BCAS1: variants seen among roughly 807,000 people sequenced by gnomAD.
BCAS1 encodes the protein breast carcinoma-amplified sequence 1.
BCAS1 carries 46 observed loss-of-function variants against 65.4 expected under a neutral mutation model. The observed-to-expected ratio is 0.70, with a 90% CI of 0.55 to 0.90. The LOEUF is 0.90. Among genes scored for constraint, BCAS1 ranks in the 40% least tolerant of loss-of-function variants. The pLI is 0.00. For synonymous variants in BCAS1, 298 were observed against 293.5 expected, an observed-to-expected ratio of 1.02 and a Z score of -0.16; for missense variants, 793 against 771.2, an observed-to-expected ratio of 1.03 and a Z score of -0.33.
Position 54,036,189 on chromosome 20 carries a change from T to G in BCAS1, c.143-7217A>C, listed in dbSNP as rs183521067. Among the ~76,000 whole-genome samples, 7 of 150,620 alleles carry G rather than the reference T, an allele frequency of 4.6e-5. No individual in the cohort carries two copies. In the East Asian group the frequency reaches 1.4e-3, roughly 29 times the overall value. ...GACAACAAACCCCCATGACACAAAT[T>G]TACCTATATAACAAACCTGCCCGTG... On this transcript the variant is annotated intron_variant, in intron 3 of 12. Coordinates refer to ENST00000688948, the MANE Select transcript of BCAS1 (RefSeq NM_001366298.2).
rs138293922 is a variant in BCAS1 at position 53,953,622 on chromosome 20, T to A, written c.1625A>T (p.Glu542Val). 1.3e-5 allele frequency: 21 copies of A among 1,613,842 alleles called. No individual in the cohort carries two copies. Among genetic ancestry groups the A allele is most frequent in the Non-Finnish European group, 1.8e-5 (21 of 1,180,010 alleles). The change falls in exon 12 of 13, where the codon GAG (glutamate) becomes GTG (valine). Residue 542 changes from glutamate to valine, a missense_variant. By Grantham distance (121) the Glu-to-Val change is moderately radical. Coordinates refer to ENST00000688948, the MANE Select transcript of BCAS1 (RefSeq NM_001366298.2). The part of the protein sequence containing the change: ...EPTGAPQKGK[E>V]GSSKDKKSAA... ...TGACTTCTTGTCCTTCGAGGAGCCC[T>A]CTTTACCCTTCTGTGGTGCTCCTGT...
At chr20:54,047,768 G>A (rs563904705) in intron 3 of BCAS1, among the ~76,000 whole-genome samples, 3 of 152,340 alleles carry the variant, frequency 2.0e-5, no homozygotes, top group South Asian at 4.1e-4. Flanking sequence ...TTATAGAAAT[G>A]AAAGTACACT....
intron 4 of BCAS1, 194 bp downstream of exon 4, chr20:54,028,198 T>C (rs1201193137): frequency 1.6e-6 from 1 of 623,840 alleles, no homozygotes; most frequent in Non-Finnish European, 2.8e-6. Flanking sequence ...GCTGTTATTG[T>C]TCTTCACACA....
intron 3 of BCAS1, among the ~76,000 whole-genome samples, chr20:54,038,647 C>A (rs1280144445): frequency 6.6e-6 from 1 of 151,352 alleles, no homozygotes; most frequent in Admixed American, 6.6e-5. Context: ...TTATCCAAAT[C>A]CTCCAAGCTT....
chr20:54,028,022 T>C (rs879753509), intron 4 of BCAS1, among the ~76,000 whole-genome samples: 2 of 152,238 alleles, frequency 1.3e-5, no homozygotes, highest in Non-Finnish European at 2.9e-5. Context: ...CTACAGAGAC[T>C]AGGTAACATC....
chr20:53,957,712 A>G (rs1231957770), intron 10 of BCAS1, among the ~76,000 whole-genome samples: 1 of 152,240 alleles, frequency 6.6e-6, no homozygotes, highest in Non-Finnish European at 1.5e-5. Context: ...GCCTCCAAAA[A>G]TAACAACAAA....
intron 7 of BCAS1, 56 bp downstream of exon 7, chr20:53,992,456 A>G (rs2090784935): frequency 1.5e-6 from 2 of 1,346,168 alleles, no homozygotes; most frequent in African/African-American, 1.5e-5. Context: ...AGGATGGCAC[A>G]TGTCTTGTGA....
chr20:54,006,726 A>C lies in BCAS1; in HGVS notation c.724-10676T>G, dbSNP rs73133416. Among the ~76,000 whole-genome samples, 655 of 149,056 alleles carry C rather than the reference A, an allele frequency of 4.4e-3. 2 individuals are homozygous for C. Among genetic ancestry groups the C allele is most frequent in the Non-Finnish European group, 7.9e-3 (532 of 67,328 alleles). The stretch of plus-strand genomic sequence containing the variant: ...CTCCATCTCAAAAAAAAAAAAAAAA[A>C]AGTTGGATTGAACAGGACTTTTGAA... On this transcript the variant is annotated intron_variant, in intron 4 of 12. Transcript: ENST00000688948.
chr20:53,999,359 T>C (rs567238428), intron 4 of BCAS1, among the ~76,000 whole-genome samples: 2 of 152,342 alleles, frequency 1.3e-5, no homozygotes, highest in East Asian at 3.9e-4. Flanking sequence ...TTTGCCAAGA[T>C]TGTGCAAGGC....
chr20:53,991,111 C>T (rs1455035317), intron 7 of BCAS1, among the ~76,000 whole-genome samples: 1 of 152,204 alleles, frequency 6.6e-6, no homozygotes, highest in Non-Finnish European at 1.5e-5. Context: ...TCTGGGGAAA[C>T]ATCATACACT....
intron 9 of BCAS1, among the ~76,000 whole-genome samples, chr20:53,972,377 C>T (rs777535945): frequency 6.6e-5 from 10 of 152,158 alleles, no homozygotes; most frequent in African/African-American, 1.7e-4. Flanking sequence ...AGAAAATCAC[C>T]GATTACTGGG....
intron 1 of BCAS1, among the ~76,000 whole-genome samples, chr20:54,067,154 C>G (rs2092454228): frequency 6.6e-6 from 1 of 152,156 alleles, no homozygotes; most frequent in South Asian, 2.1e-4. Flanking sequence ...GTGGGTGGAT[C>G]ACTTGAGGTC....
chr20:53,986,216 C>CT (rs1321746941), intron 7 of BCAS1, among the ~76,000 whole-genome samples: 1 of 152,136 alleles, frequency 6.6e-6, no homozygotes, highest in Non-Finnish European at 1.5e-5. Flanking sequence ...CCTCCGCCTC[C>CT]TTCCCTCTGT....
chr20:54,029,121 C>G (rs2091746501), intron 3 of BCAS1, 149 bp from the exon 4 acceptor site: 1 of 1,434,490 alleles, frequency 7.0e-7, no homozygotes, highest in Non-Finnish European at 9.1e-7. Flanking sequence ...GAAGTTAGCT[C>G]TCTACATCTC....
chr20:53,964,803 T>G (rs1355088896), intron 10 of BCAS1, among the ~76,000 whole-genome samples: 1 of 143,806 alleles, frequency 7.0e-6, no homozygotes, highest in African/African-American at 2.9e-5. Flanking sequence ...TTAGAGGTTT[T>G]TTTTTTTTTC....
intron 1 of BCAS1, 22 bp from the exon 2 acceptor site, chr20:54,058,745 G>A (rs780808465): frequency 6.2e-7 from 1 of 1,602,720 alleles, no homozygotes; most frequent in South Asian, 1.1e-5. Context: ...AGAAAGAGAG[G>A]AAGAGAGAAA....
intron 5 of BCAS1, 65 bp downstream of exon 5, chr20:53,995,827 A>T: frequency 6.8e-7 from 1 of 1,466,654 alleles, no homozygotes; most frequent in South Asian, 1.4e-5. Context: ...AATGTGCATT[A>T]TTCTTAGAAT....
chr20:54,065,866 A>G (rs1343267016), intron 1 of BCAS1, among the ~76,000 whole-genome samples: 1 of 152,168 alleles, frequency 6.6e-6, no homozygotes, highest in African/African-American at 2.4e-5. Context: ...GGTGTGGCCC[A>G]TGTGTTGTAT....
chr20:53,982,062 T>G (rs1466593970), intron 8 of BCAS1, among the ~76,000 whole-genome samples: 1 of 152,200 alleles, frequency 6.6e-6, no homozygotes, highest in African/African-American at 2.4e-5. Flanking sequence ...ATAACAACAC[T>G]GTGAGAAAAA....
Sources: allele counts gnomAD v4.1 joint callset (sites outside exome capture counted in the v4.1 genomes callset), GRCh38; gene constraint gnomAD v4.1.1; transcripts MANE v1.5; gene names NCBI Gene and HGNC (gene_info 2026-07-23, HGNC 2026-07-21).